Variants in RIMS2 observed in about 807,000 individuals in gnomAD.
The protein encoded by RIMS2 is regulating synaptic membrane exocytosis protein 2.
RIMS2 carries 59 observed loss-of-function variants against 174.4 expected under a neutral mutation model. The observed-to-expected ratio is 0.34, with a 90% CI of 0.27 to 0.42. The LOEUF (loss-of-function observed/expected upper bound fraction) is 0.42, where lower values mean the gene tolerates loss of function less well. RIMS2 is among the 10% of genes least tolerant of loss of function. The pLI is 1.00. For synonymous variants in RIMS2, 606 were observed against 572.5 expected, an observed-to-expected ratio of 1.06 and a Z score of -0.84; for missense variants, 1,620 against 1,666.3, an observed-to-expected ratio of 0.97 and a Z score of 0.48.
chr8:103,554,064 G>C (rs2131701988), intron 1 of RIMS2, among the ~76,000 whole-genome samples: 2 of 152,212 alleles, frequency 1.3e-5, no homozygotes, highest in South Asian at 4.1e-4. Context: ...ATGGATTAAA[G>C]ACTTAAATGT....
intron 19 of RIMS2, among the ~76,000 whole-genome samples, chr8:104,099,290 C>T (rs1261212880): frequency 6.6e-6 from 1 of 152,092 alleles, no homozygotes; most frequent in Non-Finnish European, 1.5e-5. Context: ...AAGTGTGTTT[C>T]AGTGCCAACT....
At chr8:103,528,933 T>G (rs896462554) in intron 1 of RIMS2, among the ~76,000 whole-genome samples, 2 of 152,192 alleles carry the variant, frequency 1.3e-5, no homozygotes, top group African/African-American at 4.8e-5. Flanking sequence ...GTGAAGAAAG[T>G]CATTGGTAGC....
At chr8:103,638,618 A>G (rs760591810) in intron 1 of RIMS2, among the ~76,000 whole-genome samples, 4 of 152,052 alleles carry the variant, frequency 2.6e-5, no homozygotes, top group Non-Finnish European at 5.9e-5. Context: ...GTCTTTTGAC[A>G]TACTCCATGT....
At chr8:103,720,128 A>G (rs1385192549) in intron 2 of RIMS2, among the ~76,000 whole-genome samples, 1 of 152,182 alleles carries the variant, frequency 6.6e-6, no homozygotes, top group Non-Finnish European at 1.5e-5. Flanking sequence ...TCAGAAGTAT[A>G]CAAGTTATCT....
At chr8:104,156,478 C>T (rs532568387) in intron 19 of RIMS2, among the ~76,000 whole-genome samples, 1 of 152,188 alleles carries the variant, frequency 6.6e-6, no homozygotes, top group East Asian at 1.9e-4. Flanking sequence ...TACTGCCACA[C>T]AGCATTAAGC....
chr8:104,049,575 T>C (rs143747935), intron 19 of RIMS2, among the ~76,000 whole-genome samples: 171 of 152,290 alleles, frequency 1.1e-3, no homozygotes, highest in African/African-American at 3.9e-3. Flanking sequence ...AATGCGATCT[T>C]GGACAAGTTT....
intron 12 of RIMS2, among the ~76,000 whole-genome samples, chr8:103,933,288 G>GACACACACACACACACACAC (rs55909886): frequency 2.0e-4 from 24 of 119,766 alleles, no homozygotes; most frequent in African/African-American, 6.0e-4. Flanking sequence ...TCGAGACTCT[G>GACACACACACACACACACAC]ACACACACAC....
intron 19 of RIMS2, among the ~76,000 whole-genome samples, chr8:104,088,308 A>G (rs1331512323): frequency 6.6e-6 from 1 of 151,976 alleles, no homozygotes; most frequent in Non-Finnish European, 1.5e-5. Context: ...GAAAATGCAC[A>G]TGGTTATTTA....
intron 2 of RIMS2, among the ~76,000 whole-genome samples, chr8:103,754,376 G>C (rs141514729): frequency 3.1e-4 from 47 of 152,270 alleles, no homozygotes; most frequent in African/African-American, 1.1e-3. Flanking sequence ...GAATAAGTGC[G>C]TTGTGGTGCT....
chr8:103,793,159 T>G (rs1015577554), intron 3 of RIMS2, among the ~76,000 whole-genome samples: 1 of 152,188 alleles, frequency 6.6e-6, no homozygotes, highest in African/African-American at 2.4e-5. Context: ...ATATCCCTGA[T>G]GAACATCGAT....
chr8:103,680,275 G>C (rs1227349583), intron 1 of RIMS2, among the ~76,000 whole-genome samples: 1 of 151,986 alleles, frequency 6.6e-6, no homozygotes, highest in Non-Finnish European at 1.5e-5. Flanking sequence ...CAAATCAGTG[G>C]AAGAAAGGAC....
At chr8:103,819,340 CTG>C in intron 3 of RIMS2, 1 of 1,480,656 alleles carries the variant, frequency 6.8e-7, no homozygotes, top group East Asian at 2.4e-5. Flanking sequence ...AGAATAATGA[CTG>C]TACAATTAAC....
chr8:103,958,324 G>C (rs2088349071), intron 14 of RIMS2, among the ~76,000 whole-genome samples: 1 of 152,122 alleles, frequency 6.6e-6, no homozygotes, highest in South Asian at 2.1e-4. Context: ...AATACCACAT[G>C]TTCTCACTTG....
At chr8:103,624,737 T>A (rs562471865) in intron 1 of RIMS2, among the ~76,000 whole-genome samples, 3 of 152,312 alleles carry the variant, frequency 2.0e-5, no homozygotes, top group Admixed American at 2.0e-4. Flanking sequence ...TTTACAAATA[T>A]TAATTCATTT....
chr8:103,927,787 G>C, intron 10 of RIMS2: 1 of 1,187,690 alleles, frequency 8.4e-7, no homozygotes, highest in Non-Finnish European at 1.2e-6. Context: ...TAGTTCCAGC[G>C]TGTTGTCCTT....
intron 1 of RIMS2, among the ~76,000 whole-genome samples, chr8:103,540,383 C>T (rs550623017): frequency 1.3e-5 from 2 of 152,350 alleles, no homozygotes; most frequent in South Asian, 4.1e-4. Flanking sequence ...CGCTGAGGAT[C>T]CTTGCAGTCT....
intron 2 of RIMS2, among the ~76,000 whole-genome samples, chr8:103,730,207 T>G (rs1463125098): frequency 6.6e-6 from 1 of 152,158 alleles, no homozygotes; most frequent in Non-Finnish European, 1.5e-5. Context: ...AGTCTCTCTC[T>G]CTTTCTTTAG....
chr8:103,956,595 T>A (rs2087306378), intron 14 of RIMS2, among the ~76,000 whole-genome samples: 1 of 152,108 alleles, frequency 6.6e-6, no homozygotes, highest in Non-Finnish European at 1.5e-5. Context: ...TATACAAAAA[T>A]TAACTCAAGA....
At chr8:103,859,141 T>C (rs1163391662) in intron 3 of RIMS2, among the ~76,000 whole-genome samples, 6 of 152,124 alleles carry the variant, frequency 3.9e-5, no homozygotes, top group Admixed American at 3.9e-4. Flanking sequence ...ATTAAGCATC[T>C]CATTGAAAAA....
Sources: allele counts gnomAD v4.1 joint callset (sites outside exome capture counted in the v4.1 genomes callset), GRCh38; gene constraint gnomAD v4.1.1; transcripts MANE v1.5; gene names NCBI Gene and HGNC (gene_info 2026-07-23, HGNC 2026-07-21).